FBXO41: variants seen among roughly 807,000 people sequenced by gnomAD.
FBXO41 encodes F-box protein 41.
FBXO41 carries 33 observed loss-of-function variants against 81.6 expected under a neutral mutation model. That is an observed-to-expected ratio of 0.40 (90% confidence interval 0.31 to 0.54). The LOEUF (loss-of-function observed/expected upper bound fraction) is 0.54. Among genes scored for constraint, FBXO41 ranks in the 20% least tolerant of loss-of-function variants. The pLI is 0.39. For synonymous variants in FBXO41, 576 were observed against 552.7 expected, an observed-to-expected ratio of 1.04 and a Z score of -0.59; for missense variants, 1,107 against 1,236.0, an observed-to-expected ratio of 0.90 and a Z score of 1.56.
In FBXO41 at chr2:73,265,878, G is replaced by A. The variant is rs1232288760; in HGVS notation, c.1205+15C>T. 1.9e-6 allele frequency: 3 copies of A among 1,575,694 alleles called. No individual in the cohort carries two copies. Among genetic ancestry groups the A allele is most frequent in the African/African-American group, 1.3e-5 (1 of 74,242 alleles). Reference sequence around the variant, plus strand: ...GAGGGTGGGCTGCATGGGGTGGGCTGGGCCCAAGGCTTACCCTGTGCTCGG... The same window carrying A: ...GAGGGTGGGCTGCATGGGGTGGGCTAGGCCCAAGGCTTACCCTGTGCTCGG... On this transcript the variant is annotated intron_variant, in intron 4 of 12. Transcript: ENST00000520530.
At chr2:73,271,879 C>T (rs1688514856) in intron 1 of FBXO41, among the ~76,000 whole-genome samples, 1 of 152,216 alleles carries the variant, frequency 6.6e-6, no homozygotes, top group African/African-American at 2.4e-5. Flanking sequence ...GATCCACCTG[C>T]CTCAGCCTTT....
chr2:73,268,836 C>A lies in FBXO41; in HGVS notation c.795G>T (p.Leu265=), dbSNP rs755820730. 1.3e-6 allele frequency: 2 copies of A among 1,577,058 alleles called. No homozygotes were observed. Among genetic ancestry groups the A allele is most frequent in the Non-Finnish European group, 1.7e-6 (2 of 1,162,648 alleles). The part of the protein sequence containing the change: ...SARLGREKEE[L]EERASELSRQ... Reference sequence around the variant, plus strand: ...GGGAGAGCTCAGACGCGCGCTCCTCCAGCTCCTCCTTCTCGCGCCCGAGCC... The same window carrying A: ...GGGAGAGCTCAGACGCGCGCTCCTCAAGCTCCTCCTTCTCGCGCCCGAGCC... Residue 265 remains leucine, a synonymous_variant, in exon 2 of 13, where the codon CTG becomes CTT. Coordinates refer to ENST00000520530, the MANE Select transcript of FBXO41 (RefSeq NM_001371389.2).
rs766986559 is a variant in FBXO41 at position 73,266,409 on chromosome 2, G to A, written c.1131+48C>T. 37 of 1,440,984 alleles carry A rather than the reference G, an allele frequency of 2.6e-5. No individual in the cohort carries two copies. The highest frequency in any genetic ancestry group is 5.5e-5 in the Admixed American group (2 of 36,626). 89.3% of individuals were successfully genotyped at this position (1,440,984 alleles called of 1,614,324 possible). On this transcript the variant is annotated intron_variant, in intron 3 of 12. Transcript: ENST00000520530. This position sits in a 1 kb window ranked among gnomAD's most constrained non-coding sequence, Gnocchi z 5.3. ...CCAGCCATGTGAAAGGTGAGGTTGTGGGGGGCCAGGTGTGCAGGTAGAGGA... is the reference window on the plus strand; with the variant it reads ...CCAGCCATGTGAAAGGTGAGGTTGTAGGGGGCCAGGTGTGCAGGTAGAGGA...
intron 1 of FBXO41, among the ~76,000 whole-genome samples, chr2:73,270,286 G>C (rs2103892339): frequency 6.6e-6 from 1 of 152,308 alleles, no homozygotes; most frequent in South Asian, 2.1e-4. Context: ...AGGGGCAGGA[G>C]GCAGCTTTAT....
At position 73,256,700 on chromosome 2, in the gene FBXO41, A is replaced by G. The variant is rs2103835093; in HGVS notation, c.*2282T>C. The G allele has an allele frequency of 6.6e-6, 1 of 152,344 alleles. No homozygotes were observed. The highest frequency in any genetic ancestry group is 2.1e-4 in the South Asian group (1 of 4,826). The allele number at this position is 152,344 out of a possible 1,614,324, so 9.4% of individuals were successfully genotyped here. ...TCTGCCTCTAGTGCAGGTGGTGCTC[A>G]GTACTGTTGCACTAATGAATGAATG... On this transcript the variant is annotated 3_prime_UTR_variant, in exon 13 of 13. Transcript: ENST00000520530.
intron 9 of FBXO41, among the ~76,000 whole-genome samples, chr2:73,261,310 G>A (rs1688014330): frequency 6.6e-6 from 1 of 151,958 alleles, no homozygotes; most frequent in Non-Finnish European, 1.5e-5. Context: ...CTGCTGCCTC[G>A]GCTTCCCAAA....
Position 73,260,656 on chromosome 2 carries a change from A to C in FBXO41, c.2290+84T>G. The C allele has an allele frequency of 6.6e-7, 1 of 1,523,740 alleles. No homozygotes were observed. The highest frequency in any genetic ancestry group is 8.9e-7 in the Non-Finnish European group (1 of 1,128,984). The allele number at this position is 1,523,740 out of a possible 1,614,324, so 94.4% of individuals were successfully genotyped here. A position where few individuals can be genotyped will look rare whatever the true frequency, so the allele number is the denominator to read the frequency against. ...CTGCCACCACCCAGGCTGCAGCCCC[A>C]AGCCCCTGTGGGATTTCACAAGGCA... On this transcript the variant is annotated intron_variant, in intron 10 of 12. Coordinates refer to ENST00000520530, the MANE Select transcript of FBXO41 (RefSeq NM_001371389.2). The surrounding 1 kb of genome is among the most constrained non-coding windows in gnomAD (Gnocchi z 5.0).
At chr2:73,265,144 C>T (rs1688195787) in intron 5 of FBXO41, 138 bp downstream of exon 5, 1 of 803,798 alleles carries the variant, frequency 1.2e-6, no homozygotes, top group Admixed American at 2.9e-5. Flanking sequence ...TGCCCTGTCA[C>T]AAGAGTTCCT....
In FBXO41 at chr2:73,265,555, C is replaced by T; in HGVS notation, c.1291G>A (p.Ala431Thr). Residue 431 changes from alanine to threonine, a missense_variant, in exon 5 of 13, where the codon GCC (alanine) becomes ACC (threonine). Ala to Thr is a moderately conservative substitution (Grantham distance 58). Coordinates refer to ENST00000520530, the MANE Select transcript of FBXO41 (RefSeq NM_001371389.2). Reference sequence around the variant, plus strand: ...CCCCCAGGGCCACTGTCCTCAGGGGCCCCCTCCTCTGGCCTGGGCAGCTCC... The same window carrying T: ...CCCCCAGGGCCACTGTCCTCAGGGGTCCCCTCCTCTGGCCTGGGCAGCTCC... ...SLELPRPEEGAPEDSGPGGLG... is the reference protein window; with the variant it reads ...SLELPRPEEGTPEDSGPGGLG... 2.5e-6 allele frequency: 4 copies of T among 1,581,068 alleles called. No individual in the cohort carries two copies. Among genetic ancestry groups the T allele is most frequent in the Non-Finnish European group, 2.6e-6 (3 of 1,165,036 alleles).
Position 73,266,060 on chromosome 2 carries a change from G to A in FBXO41, c.1132-94C>T, listed in dbSNP as rs1688262582. 1.4e-5 allele frequency: 15 copies of A among 1,067,990 alleles called. No individual in the cohort carries two copies. The highest frequency in any genetic ancestry group is 2.0e-5 in the Non-Finnish European group (14 of 716,480). 66.2% of individuals were successfully genotyped at this position (1,067,990 alleles called of 1,614,324 possible). ...GGGGAAACAGGGCAAAAGATGGAGA[G>A]GAGATGGGGGAGAGGAGAGAGAAGG... On this transcript the variant is annotated intron_variant, in intron 3 of 12. Coordinates refer to ENST00000520530, the MANE Select transcript of FBXO41 (RefSeq NM_001371389.2). The surrounding 1 kb of genome is among the most constrained non-coding windows in gnomAD (Gnocchi z 5.3).
chr2:73,271,357 T>G, intron 1 of FBXO41: 1 of 185,490 alleles, frequency 5.4e-6, no homozygotes, highest in Non-Finnish European at 1.1e-5. Flanking sequence ...AAATCAGTCG[T>G]GGGGTAAACA....
intron 1 of FBXO41, chr2:73,270,841 T>C (rs766213180): frequency 1.9e-6 from 1 of 534,526 alleles, no homozygotes; most frequent in Admixed American, 1.9e-5. Flanking sequence ...TCTTCCTAAC[T>C]GCCTGCAATA....
chr2:73,275,876 C>A (rs200346584), intron 1 of FBXO41, among the ~76,000 whole-genome samples: 1 of 149,876 alleles, frequency 6.7e-6, no homozygotes, highest in Non-Finnish European at 1.5e-5. Context: ...AACCTCCACG[C>A]CCTGGGTTCA....
intron 8 of FBXO41, 102 bp downstream of exon 8, chr2:73,263,576 C>G: frequency 6.9e-7 from 1 of 1,450,998 alleles, no homozygotes; most frequent in Admixed American, 2.1e-5. Flanking sequence ...GCTCTTGGAT[C>G]CCTTTGCTTG....
chr2:73,259,348 G>T lies in FBXO41; in HGVS notation c.2450-52C>A. 3 of 1,413,588 alleles carry T rather than the reference G, an allele frequency of 2.1e-6. No homozygotes were observed. Among genetic ancestry groups the T allele is most frequent in the Non-Finnish European group, 3.0e-6 (3 of 998,460 alleles). The allele number at this position is 1,413,588 out of a possible 1,614,324, so 87.6% of individuals were successfully genotyped here. A position where few individuals can be genotyped will look rare whatever the true frequency, so the allele number is the denominator to read the frequency against. ...CGTGTTTGGCCTGGGCTGTGGAGCT[G>T]CCTCCTCTCCTCTCACTAATTAATG... On this transcript the variant is annotated intron_variant, in intron 11 of 12. Coordinates refer to ENST00000520530, the MANE Select transcript of FBXO41 (RefSeq NM_001371389.2). The surrounding 1 kb of genome is among the most constrained non-coding windows in gnomAD (Gnocchi z 4.2).
chr2:73,261,948 C>A (rs1449426320), intron 9 of FBXO41, among the ~76,000 whole-genome samples: 3 of 150,902 alleles, frequency 2.0e-5, no homozygotes, highest in Non-Finnish European at 4.4e-5. Context: ...TAGGGCTGGG[C>A]GCGGTGGCTT....
At chr2:73,281,998 A>C (rs1032460594) in intron 1 of FBXO41, among the ~76,000 whole-genome samples, 1 of 152,028 alleles carries the variant, frequency 6.6e-6, no homozygotes, top group African/African-American at 2.4e-5. Flanking sequence ...GCATGCAATA[A>C]ATTTCTTTTT....
Position 73,266,520 on chromosome 2 carries a change from G to A in FBXO41, c.1068C>T (p.Ala356=). The A allele has an allele frequency of 6.2e-7, 1 of 1,602,626 alleles. No homozygotes were observed. Among genetic ancestry groups the A allele is most frequent in the Non-Finnish European group, 8.5e-7 (1 of 1,175,848 alleles). ...CGCCCCCACCTCCACGGCCCAGGCT[G>A]GCGCTGGGCGTGCTGCCACAGCTGC... ...ISSSCGSTPS[A]SLGRGGGGGG... The change falls in exon 3 of 13, where the codon GCC becomes GCT. Residue 356 remains alanine, a synonymous_variant. Coordinates refer to ENST00000520530, the MANE Select transcript of FBXO41 (RefSeq NM_001371389.2). The surrounding 1 kb of genome is among the most constrained non-coding windows in gnomAD (Gnocchi z 5.3).
rs2103829489 is a variant in FBXO41, at chr2:73,255,522, G to C, written c.*3460C>G. 1.3e-5 allele frequency: 2 copies of C among 152,810 alleles called. No individual in the cohort carries two copies. Among genetic ancestry groups the C allele is most frequent in the Non-Finnish European group, 2.9e-5 (2 of 68,076 alleles). 9.5% of individuals were successfully genotyped at this position (152,810 alleles called of 1,614,324 possible). ...AGTTACACTCATCAGGGACTGACAG[G>C]CTGGGACAGGTCCCATGGGTTCGAG... On this transcript the variant is annotated 3_prime_UTR_variant, in exon 13 of 13. Coordinates refer to ENST00000520530, the MANE Select transcript of FBXO41 (RefSeq NM_001371389.2).
Sources: gnomAD v4.1 joint callset for allele counts (sites outside exome capture counted in the v4.1 genomes callset) on GRCh38, gnomAD v4.1.1 for gene constraint, Gnocchi (gnomAD v3.1) non-coding constraint, MANE v1.5 for transcripts, NCBI Gene and HGNC (gene_info 2026-07-23, HGNC 2026-07-21) for gene names.